The following SGSM1 variants were observed in gnomAD, a reference collection of about 807,000 sequenced individuals.
SGSM1 encodes the protein RUN and TBC1 domain containing 2.
A neutral mutation model predicts 133.8 loss-of-function variants in SGSM1; 73 were observed. The ratio of observed to expected loss-of-function variants is 0.55; its 90% CI spans 0.45 to 0.66. SGSM1 has a LOEUF of 0.66. SGSM1 is among the 30% of genes least tolerant of loss of function. The probability of loss-of-function intolerance (pLI) is 0.00; values close to 1 mark genes in which losing one functional copy is unlikely to be tolerated. For synonymous variants in SGSM1, 563 were observed against 573.0 expected (o/e 0.98, Z 0.25); for missense variants, 1,213 against 1,448.1 (o/e 0.84, Z 2.64).
At chr22:24,843,433 G>C (rs1286752598) in intron 2 of SGSM1, 1 of 152,884 alleles carries the variant, frequency 6.5e-6, no homozygotes, top group Non-Finnish European at 1.5e-5. Context: ...TGGATGCATG[G>C]ATGTGCTGGC....
chr22:24,871,710 C>T (rs184449310), intron 12 of SGSM1, among the ~76,000 whole-genome samples: 1 of 152,340 alleles, frequency 6.6e-6, no homozygotes, highest in East Asian at 1.9e-4. Context: ...CTCTAACCAC[C>T]ACTCCATGCA....
chr22:24,885,907 G>T (rs960147349), intron 15 of SGSM1, among the ~76,000 whole-genome samples: 4 of 152,170 alleles, frequency 2.6e-5, no homozygotes, highest in Admixed American at 1.3e-4. Context: ...TTCACGCCAG[G>T]ATATCTGAGG....
At chr22:24,861,233 A>AT (rs545080048) in intron 9 of SGSM1, among the ~76,000 whole-genome samples, 1 of 150,352 alleles carries the variant, frequency 6.7e-6, no homozygotes, top group African/African-American at 2.4e-5. Flanking sequence ...GGCACCTGTA[A>AT]TCCCAGCTAC....
At chr22:24,892,025 A>G (rs1224693570) in intron 16 of SGSM1, among the ~76,000 whole-genome samples, 1 of 152,088 alleles carries the variant, frequency 6.6e-6, no homozygotes, top group Non-Finnish European at 1.5e-5. Context: ...CTGGAGAGGA[A>G]ACAAGGATCA....
intron 18 of SGSM1, 65 bp downstream of exon 18, chr22:24,895,356 G>C (rs1932891005): frequency 6.6e-7 from 1 of 1,518,956 alleles, no homozygotes; most frequent in Admixed American, 1.9e-5. Flanking sequence ...GGTCATGGGG[G>C]TTGGGTGTCC....
Position 24,854,987 on chromosome 22 carries a change from T to C in SGSM1, c.456-9T>C. 1.2e-6 allele frequency: 2 copies of C among 1,612,244 alleles called. No homozygotes were observed. The highest frequency in any genetic ancestry group is 1.7e-6 in the Non-Finnish European group (2 of 1,178,952). ...CCATCCAAACCTGCATATTCTCTCC[T>C]CTTGCTAGTAAATACTATGAGAAGG... is the stretch of plus-strand genomic sequence containing the variant. On this transcript the variant is annotated splice_polypyrimidine_tract_variant and intron_variant, in intron 5 of 24. Coordinates refer to ENST00000400358, the MANE Select transcript of SGSM1 (RefSeq NM_001098497.3).
chr22:24,824,126 T>C (rs1381580239), intron 2 of SGSM1, among the ~76,000 whole-genome samples: 1 of 151,600 alleles, frequency 6.6e-6, no homozygotes, highest in African/African-American at 2.4e-5. Flanking sequence ...CTGCATGGAG[T>C]GCTGGGTTCA....
At chr22:24,815,262 G>A (rs1883993) in intron 2 of SGSM1, among the ~76,000 whole-genome samples, 17,821 of 152,130 alleles carry the variant, frequency 0.12, 1,276 homozygotes, top group East Asian at 0.22. Context: ...ATGCTGGGGT[G>A]TTGGTGTGGG....
At position 24,910,223 on chromosome 22, in the gene SGSM1, T is replaced by A. The variant is rs77176623; in HGVS notation, c.2819-2420T>A. 4.9e-3 allele frequency among the ~76,000 whole-genome samples: 750 copies of A among 152,208 alleles called. 6 individuals carry two copies. The highest frequency in any genetic ancestry group is 7.8e-3 in the Admixed American group (119 of 15,284). On this transcript the variant is annotated intron_variant, in intron 21 of 24. Coordinates refer to ENST00000400358, the MANE Select transcript of SGSM1 (RefSeq NM_001098497.3). ...ATGTGAAGTTGCTGCTTCATTGATA[T>A]AGGGATTTTGGGGTTGGGGGGGTAA...
chr22:24,907,933 A>AAAG (rs201228877), intron 21 of SGSM1, among the ~76,000 whole-genome samples: 5,513 of 109,604 alleles, frequency 0.05, 697 homozygotes, highest in South Asian at 0.095. Flanking sequence ...AAAAAAAAAA[A>AAAG]AAGATGTTGC....
In SGSM1 at chr22:24,882,714, A is replaced by G. The variant is rs1601951559; in HGVS notation, c.1496-1339A>G. Among the ~76,000 whole-genome samples, 3 of 152,150 alleles carry G rather than the reference A, an allele frequency of 2.0e-5. No individual in the cohort carries two copies. In the South Asian group the frequency reaches 6.2e-4, roughly 32 times the overall value. ...AACCACTAGTCCACTCTCCACCTCCATGAAAACTACTTTTTTAGATCCCAT... is the reference window on the plus strand; with the variant it reads ...AACCACTAGTCCACTCTCCACCTCCGTGAAAACTACTTTTTTAGATCCCAT... On this transcript the variant is annotated intron_variant, in intron 14 of 24. Coordinates refer to ENST00000400358, the MANE Select transcript of SGSM1 (RefSeq NM_001098497.3).
rs955086447 is a variant in SGSM1, at chr22:24,825,589, C to G, written c.63+19105C>G. Reference sequence around the variant, plus strand: ...GGATTACAGGCATGTGCCTCCACACCTGGCTAATTTTTGTATTTTTAGTAG... The same window carrying G: ...GGATTACAGGCATGTGCCTCCACACGTGGCTAATTTTTGTATTTTTAGTAG... On this transcript the variant is annotated intron_variant, in intron 2 of 24. Coordinates refer to ENST00000400358, the MANE Select transcript of SGSM1 (RefSeq NM_001098497.3). 3.3e-5 allele frequency among the ~76,000 whole-genome samples: 5 copies of G among 152,194 alleles called. No homozygotes were observed. The East Asian group carries it at 7.7e-4, about 24-fold the overall frequency.
intron 9 of SGSM1, among the ~76,000 whole-genome samples, chr22:24,863,350 G>C (rs1174816442): frequency 6.6e-6 from 1 of 152,122 alleles, no homozygotes; most frequent in Non-Finnish European, 1.5e-5. Flanking sequence ...GTAGAGACGG[G>C]GTTTCACCAT....
At chr22:24,903,118 C>T (rs149386310) in intron 20 of SGSM1, among the ~76,000 whole-genome samples, 3 of 152,070 alleles carry the variant, frequency 2.0e-5, no homozygotes, top group Non-Finnish European at 4.4e-5. Flanking sequence ...TTCATCTCTG[C>T]CCGGCAGTGC....
intron 22 of SGSM1, among the ~76,000 whole-genome samples, chr22:24,915,097 C>T (rs991151862): frequency 3.4e-4 from 51 of 152,186 alleles, no homozygotes; most frequent in African/African-American, 1.1e-3. Context: ...GGCGCGGTGG[C>T]GGGCGCCTGT....
chr22:24,864,333 G>A (rs955961199), intron 9 of SGSM1, among the ~76,000 whole-genome samples: 1 of 152,182 alleles, frequency 6.6e-6, no homozygotes, highest in Admixed American at 6.5e-5. Flanking sequence ...CAAGAGAAGT[G>A]AAAACTTAGC....
At position 24,891,206 on chromosome 22, in the gene SGSM1, A is replaced by G. The variant is rs565128069; in HGVS notation, c.1771-2225A>G. Reference sequence around the variant, plus strand: ...TGACCCCCATCTCTACAAAAAATTTAAAAACTAGCTGGGCATGGTAGCGTG... The same window carrying G: ...TGACCCCCATCTCTACAAAAAATTTGAAAACTAGCTGGGCATGGTAGCGTG... On this transcript the variant is annotated intron_variant, in intron 16 of 24. Transcript: ENST00000400358. 3.9e-4 allele frequency among the ~76,000 whole-genome samples: 59 copies of G among 152,308 alleles called. No individual in the cohort carries two copies. The South Asian group carries it at 5.4e-3, about 14-fold the overall frequency.
intron 5 of SGSM1, among the ~76,000 whole-genome samples, chr22:24,854,618 C>T (rs553539459): frequency 1.3e-5 from 2 of 152,202 alleles, no homozygotes; most frequent in South Asian, 2.1e-4. Context: ...TCAAGACCAG[C>T]CTGGGCAACA....
intron 2 of SGSM1, 104 bp from the exon 3 acceptor site, chr22:24,844,793 C>A: frequency 1.0e-6 from 1 of 991,642 alleles, no homozygotes; most frequent in South Asian, 1.6e-5. Flanking sequence ...CCCAAACAGC[C>A]TGAAAGGCCT....
Sources: gnomAD v4.1 joint callset for allele counts (sites outside exome capture counted in the v4.1 genomes callset) on GRCh38, gnomAD v4.1.1 for gene constraint, MANE v1.5 for transcripts, NCBI Gene and HGNC (gene_info 2026-07-23, HGNC 2026-07-21) for gene names.